The following PALLD variants were observed in gnomAD, a reference collection of about 807,000 sequenced individuals.
The protein encoded by PALLD is palladin, cytoskeletal associated protein, also known as palladin.
Under a neutral mutation model 123.5 loss-of-function variants are expected in PALLD, and 61 were observed. The ratio of observed to expected loss-of-function variants is 0.49; its 90% confidence interval spans 0.40 to 0.61. The LOEUF is 0.61. Among genes scored for constraint, PALLD ranks in the 20% least tolerant of loss-of-function variants. PALLD has a pLI of 0.00. For synonymous variants in PALLD, 465 were observed against 496.4 expected (o/e 0.94, Z 0.84); for missense variants, 1,273 against 1,377.0 (o/e 0.92, Z 1.20).
At chr4:168,767,231 C>T (rs1257481642) in intron 10 of PALLD, among the ~76,000 whole-genome samples, 1 of 152,210 alleles carries the variant, frequency 6.6e-6, no homozygotes, top group African/African-American at 2.4e-5. Flanking sequence ...TTAGTTATTT[C>T]AGCCTCCATC....
At chr4:168,892,446 G>A (rs1249754535) in intron 11 of PALLD, among the ~76,000 whole-genome samples, 1 of 152,220 alleles carries the variant, frequency 6.6e-6, no homozygotes, top group Admixed American at 6.5e-5. Flanking sequence ...GAAAGCTGGA[G>A]AGCAGAGGAG....
chr4:168,811,552 T>C (rs1448296924), intron 10 of PALLD, among the ~76,000 whole-genome samples: 3 of 152,016 alleles, frequency 2.0e-5, no homozygotes, highest in African/African-American at 7.3e-5. Flanking sequence ...CTGGAAAATA[T>C]AGTGAGACCT....
At chr4:168,525,313 C>G (rs773459927) in intron 2 of PALLD, among the ~76,000 whole-genome samples, 3 of 152,208 alleles carry the variant, frequency 2.0e-5, no homozygotes, top group Non-Finnish European at 4.4e-5. Context: ...AAGAGGGAAG[C>G]ATGAAGATTG....
intron 17 of PALLD, among the ~76,000 whole-genome samples, chr4:168,918,259 A>G (rs556992161): frequency 6.6e-6 from 1 of 151,708 alleles, no homozygotes; most frequent in Non-Finnish European, 1.5e-5. Context: ...TTGCAGCACT[A>G]TTCATAATAG....
At chr4:168,750,094 C>T (rs913345350) in intron 10 of PALLD, among the ~76,000 whole-genome samples, 5 of 152,062 alleles carry the variant, frequency 3.3e-5, no homozygotes, top group African/African-American at 4.8e-5. Flanking sequence ...ATTACAGGCA[C>T]CTGCCACCAC....
intron 2 of PALLD, among the ~76,000 whole-genome samples, chr4:168,659,848 T>G (rs1194848844): frequency 2.6e-5 from 4 of 152,210 alleles, no homozygotes; most frequent in Non-Finnish European, 4.4e-5. Flanking sequence ...CAAAAGAAAC[T>G]GTCACTCATA....
intron 2 of PALLD, among the ~76,000 whole-genome samples, chr4:168,631,447 G>T (rs1358629961): frequency 6.6e-6 from 1 of 152,210 alleles, no homozygotes; most frequent in Non-Finnish European, 1.5e-5. Flanking sequence ...AATTCCCCCC[G>T]CCCCTGGGCA....
At chr4:168,888,226 T>C (rs1279892938) in intron 10 of PALLD, among the ~76,000 whole-genome samples, 1 of 152,228 alleles carries the variant, frequency 6.6e-6, no homozygotes, top group Non-Finnish European at 1.5e-5. Context: ...AATGAGTTTG[T>C]AAAGTCTAGT....
intron 15 of PALLD, among the ~76,000 whole-genome samples, chr4:168,906,510 G>A (rs953147011): frequency 9.9e-5 from 15 of 152,184 alleles, no homozygotes; most frequent in Non-Finnish European, 2.2e-4. Flanking sequence ...GTCACTAGAT[G>A]AAGGTGAGCT....
chr4:168,591,719 A>G (rs933387938), intron 2 of PALLD, among the ~76,000 whole-genome samples: 5 of 152,162 alleles, frequency 3.3e-5, no homozygotes, highest in African/African-American at 4.8e-5. Flanking sequence ...AAAATATGTT[A>G]TGATTTTTAG....
chr4:168,628,503 A>G (rs528610219), intron 2 of PALLD, among the ~76,000 whole-genome samples: 2 of 152,180 alleles, frequency 1.3e-5, no homozygotes, highest in South Asian at 2.1e-4. Flanking sequence ...CTGTTCCTCA[A>G]ACGTGCTAGG....
At chr4:168,902,267 A>T (rs184112332) in intron 14 of PALLD, among the ~76,000 whole-genome samples, 1 of 152,168 alleles carries the variant, frequency 6.6e-6, no homozygotes. Flanking sequence ...TTTGTTAGGA[A>T]TCAGGAATAC....
At chr4:168,506,402 C>G (rs1053442780) in intron 1 of PALLD, among the ~76,000 whole-genome samples, 9 of 150,824 alleles carry the variant, frequency 6.0e-5, no homozygotes, top group African/African-American at 1.9e-4. Flanking sequence ...TTACCGCCCC[C>G]CATGCCCCAA....
At chr4:168,600,002 C>CATACATACAT (rs1561290675) in intron 2 of PALLD, among the ~76,000 whole-genome samples, 1 of 133,946 alleles carries the variant, frequency 7.5e-6, no homozygotes, top group Non-Finnish European at 1.7e-5. Context: ...TATACACACA[C>CATACATACAT]GTATATACAT....
Position 168,926,283 on chromosome 4 carries a change from A to G in PALLD, c.*103A>G. The G allele has an allele frequency of 6.5e-7, 1 of 1,537,252 alleles. No homozygotes were observed. Among genetic ancestry groups the G allele is most frequent in the Non-Finnish European group, 8.7e-7 (1 of 1,146,834 alleles). On this transcript the variant is annotated 3_prime_UTR_variant, in exon 22 of 22. Transcript: ENST00000505667. ...GGCCCTCAGCCAGTCGCTATGCAGC[A>G]CTTTCGGACCAGGGACTAGACATCA...
intron 10 of PALLD, among the ~76,000 whole-genome samples, chr4:168,825,065 C>CACT (rs138961697): frequency 0.037 from 5,654 of 152,192 alleles, 354 homozygotes; most frequent in African/African-American, 0.13. Flanking sequence ...ATCCTCCCAC[C>CACT]TTGGCCTCCC....
chr4:168,745,894 T>G (rs1730224347), intron 10 of PALLD, among the ~76,000 whole-genome samples: 1 of 152,174 alleles, frequency 6.6e-6, no homozygotes, highest in Non-Finnish European at 1.5e-5. Context: ...CTTTTCCAAT[T>G]TTAAAATAAA....
At chr4:168,747,752 T>A (rs1730515446) in intron 10 of PALLD, among the ~76,000 whole-genome samples, 1 of 152,182 alleles carries the variant, frequency 6.6e-6, no homozygotes, top group South Asian at 2.1e-4. Context: ...AACGTTAGCT[T>A]TGCGTTAAGA....
At chr4:168,879,304 G>T (rs1752294010) in intron 10 of PALLD, among the ~76,000 whole-genome samples, 1 of 152,118 alleles carries the variant, frequency 6.6e-6, no homozygotes, top group African/African-American at 2.4e-5. Flanking sequence ...ATACAGTACA[G>T]GTGTTAGGCA....
Sources: allele counts gnomAD v4.1 joint callset (sites outside exome capture counted in the v4.1 genomes callset), GRCh38; gene constraint gnomAD v4.1.1; transcripts MANE v1.5; gene names NCBI Gene and HGNC (gene_info 2026-07-23, HGNC 2026-07-21).